Variants in STK38 observed in about 807,000 individuals in gnomAD.
STK38 encodes the protein serine/threonine-protein kinase 38.
Under a neutral mutation model 59.0 loss-of-function variants are expected in STK38, and 26 were observed. The ratio of observed to expected loss-of-function variants is 0.44; its 90% confidence interval spans 0.32 to 0.61. STK38 has a LOEUF of 0.61. Ranked by LOEUF, STK38 falls within the 20% of genes least tolerant of loss-of-function variation. The probability of loss-of-function intolerance (pLI) is 0.04; values close to 1 mark genes in which losing one functional copy is unlikely to be tolerated. For synonymous variants in STK38, 175 were observed against 176.6 expected, an observed-to-expected ratio of 0.99 and a Z score of 0.07; for missense variants, 433 against 566.0, an observed-to-expected ratio of 0.76 and a Z score of 2.38.
chr6:36,498,358 A>C lies in STK38; in HGVS notation c.1076+5T>G. 6.2e-7 allele frequency: 1 copy of C among 1,609,706 alleles called. No homozygotes were observed. On this transcript the variant is annotated splice_donor_5th_base_variant and intron_variant, in intron 11 of 13. Transcript: ENST00000229812. ...GAAAGAAGGTGGAGGGATGTTCTCT[A>C]ATACCTCAAAATTAGATCCTTGGCT...
In STK38 at chr6:36,515,321, C is replaced by T; in HGVS notation, c.669+17G>A. 1 of 1,612,768 alleles carries T rather than the reference C, an allele frequency of 6.2e-7. No individual in the cohort carries two copies. The highest frequency in any genetic ancestry group is 2.2e-5 in the East Asian group (1 of 44,884). On this transcript the variant is annotated intron_variant, in intron 7 of 13. Coordinates refer to ENST00000229812, the MANE Select transcript of STK38 (RefSeq NM_007271.4). ...ATCAGTAAACGTGCATAGTTCATGC[C>T]AATGCCCCCCCAATACCTTGCTGTC...
At chr6:36,543,405 A>AT (rs1225488223) in intron 1 of STK38, among the ~76,000 whole-genome samples, 53 of 152,028 alleles carry the variant, frequency 3.5e-4, no homozygotes, top group Non-Finnish European at 2.9e-5. Context: ...CCTACCTCTC[A>AT]TATGATCTAC....
intron 1 of STK38, among the ~76,000 whole-genome samples, chr6:36,543,497 C>T (rs1777989501): frequency 2.0e-5 from 3 of 152,202 alleles, no homozygotes; most frequent in Non-Finnish European, 4.4e-5. Context: ...GTAATCCCAT[C>T]ACTTTGGGAG....
Position 36,515,497 on chromosome 6 carries a change from A to G in STK38, c.515-5T>C, listed in dbSNP as rs1166763024. 2 of 1,612,018 alleles carry G rather than the reference A, an allele frequency of 1.2e-6. No individual in the cohort carries two copies. Among genetic ancestry groups the G allele is most frequent in the Admixed American group, 1.7e-5 (1 of 59,788 alleles). ...TCAACAAGGTCATCATGTCCCCTGG[A>G]AACAAGAAGATACAAAGCCACCACA... On this transcript the variant is annotated splice_region_variant and splice_polypyrimidine_tract_variant and intron_variant, in intron 6 of 13. Transcript: ENST00000229812.
At chr6:36,538,082 C>G (rs1023371736) in intron 2 of STK38, among the ~76,000 whole-genome samples, 6 of 151,918 alleles carry the variant, frequency 3.9e-5, no homozygotes, top group Non-Finnish European at 4.4e-5. Flanking sequence ...AGGTGGATCA[C>G]GAGGTCAGGA....
intron 9 of STK38, among the ~76,000 whole-genome samples, 187 bp from the exon 10 acceptor site, chr6:36,500,177 T>C (rs538836153): frequency 6.6e-6 from 1 of 152,050 alleles, no homozygotes; most frequent in South Asian, 2.1e-4. Context: ...TAAAGCTTTG[T>C]TCATGAGGCA....
At chr6:36,525,053 A>T (rs1777477420) in intron 3 of STK38, among the ~76,000 whole-genome samples, 1 of 152,142 alleles carries the variant, frequency 6.6e-6, no homozygotes, top group Non-Finnish European at 1.5e-5. Context: ...TTTCAGGAAC[A>T]TGACACACCG....
At chr6:36,530,855 A>T (rs192189528) in intron 2 of STK38, among the ~76,000 whole-genome samples, 1 of 151,412 alleles carries the variant, frequency 6.6e-6, no homozygotes, top group African/African-American at 2.4e-5. Context: ...ATGTGTGGCT[A>T]ATTTTTGTAC....
At chr6:36,519,258 A>G (rs1051620159) in intron 5 of STK38, among the ~76,000 whole-genome samples, 2 of 152,222 alleles carry the variant, frequency 1.3e-5, no homozygotes, top group African/African-American at 4.8e-5. Context: ...AAACAGTGCT[A>G]TGAAACACAA....
chr6:36,513,612 G>A (rs924631939), intron 7 of STK38, among the ~76,000 whole-genome samples: 11 of 151,730 alleles, frequency 7.2e-5, no homozygotes, highest in African/African-American at 1.2e-4. Flanking sequence ...CACCATGCCC[G>A]GCCCCGGCCT....
rs1353126406 is a variant in STK38 at position 36,496,697 on chromosome 6, G to T, written c.1267+14C>A. 8 of 1,593,390 alleles carry T rather than the reference G, an allele frequency of 5.0e-6. No individual in the cohort carries two copies. The highest frequency in any genetic ancestry group is 6.9e-6 in the Non-Finnish European group (8 of 1,161,806). On this transcript the variant is annotated intron_variant, in intron 13 of 13. Coordinates refer to ENST00000229812, the MANE Select transcript of STK38 (RefSeq NM_007271.4). Reference sequence around the variant, plus strand: ...TGCTTATAAGGCAGCAGGAGACAATGCTGGTGGTGTTACCTGTTGGCTTAA... The same window carrying T: ...TGCTTATAAGGCAGCAGGAGACAATTCTGGTGGTGTTACCTGTTGGCTTAA...
intron 7 of STK38, among the ~76,000 whole-genome samples, chr6:36,508,729 GCA>G (rs1777028197): frequency 6.6e-6 from 1 of 152,246 alleles, no homozygotes; most frequent in South Asian, 2.1e-4. Context: ...GGCAAGAAAA[GCA>G]CAGAGTGGCA....
At chr6:36,545,298 A>C (rs1451056072) in intron 1 of STK38, among the ~76,000 whole-genome samples, 5 of 149,770 alleles carry the variant, frequency 3.3e-5, no homozygotes, top group African/African-American at 1.2e-4. Flanking sequence ...GGAAAAAAAA[A>C]AAAAAAAAAA....
At chr6:36,523,344 C>T (rs553424499) in intron 4 of STK38, among the ~76,000 whole-genome samples, 4 of 146,598 alleles carry the variant, frequency 2.7e-5, no homozygotes, top group African/African-American at 1.0e-4. Flanking sequence ...CTCACTGCAA[C>T]CTCTGCCTCC....
intron 4 of STK38, among the ~76,000 whole-genome samples, chr6:36,523,788 C>T (rs1777442848): frequency 6.6e-6 from 1 of 152,176 alleles, no homozygotes; most frequent in Non-Finnish European, 1.5e-5. Flanking sequence ...TAACTCCTTT[C>T]TGTAAATCCT....
At chr6:36,526,989 C>T (rs911656366) in intron 2 of STK38, among the ~76,000 whole-genome samples, 107 of 151,550 alleles carry the variant, frequency 7.1e-4, no homozygotes, top group African/African-American at 2.6e-3. Flanking sequence ...TTCAGGAGTT[C>T]GAAACCAGCC....
At chr6:36,528,382 A>G (rs1183048706) in intron 2 of STK38, among the ~76,000 whole-genome samples, 1 of 152,214 alleles carries the variant, frequency 6.6e-6, no homozygotes, top group Non-Finnish European at 1.5e-5. Context: ...ATGTACAGTA[A>G]AGATCTGGAA....
At chr6:36,505,915 C>T (rs145825349) in intron 9 of STK38, among the ~76,000 whole-genome samples, 3 of 152,166 alleles carry the variant, frequency 2.0e-5, no homozygotes, top group African/African-American at 7.2e-5. Context: ...ACCAATTTAT[C>T]AGCTATTGGC....
chr6:36,521,621 A>G, intron 5 of STK38, 113 bp downstream of exon 5: 1 of 676,544 alleles, frequency 1.5e-6, no homozygotes, highest in Admixed American at 3.2e-5. Context: ...ATAGTCATAC[A>G]TGACAGAGCT....
Sources: gnomAD v4.1 joint callset for allele counts (sites outside exome capture counted in the v4.1 genomes callset) on GRCh38, gnomAD v4.1.1 for gene constraint, MANE v1.5 for transcripts, NCBI Gene and HGNC (gene_info 2026-07-23, HGNC 2026-07-21) for gene names.